Variants in CORIN observed in about 807,000 individuals in gnomAD.
CORIN encodes the protein corin, serine peptidase.
In CORIN, 117 loss-of-function variants were observed where a neutral mutation model predicts 125.3. The ratio of observed to expected loss-of-function variants is 0.93; its 90% CI spans 0.80 to 1.09. CORIN has a LOEUF of 1.09. CORIN is among the 50% of genes least tolerant of loss of function. The pLI, the probability that CORIN is intolerant of heterozygous loss-of-function variation, is 0.00. For synonymous variants in CORIN, 450 were observed against 466.4 expected, an observed-to-expected ratio of 0.96 and a Z score of 0.45; for missense variants, 1,253 against 1,306.7, an observed-to-expected ratio of 0.96 and a Z score of 0.63.
At chr4:47,772,580 T>C (rs1390520082) in intron 3 of CORIN, among the ~76,000 whole-genome samples, 1 of 152,212 alleles carries the variant, frequency 6.6e-6, no homozygotes, top group East Asian at 1.9e-4. Flanking sequence ...CATAATATGG[T>C]GGTTCCACAG....
intron 19 of CORIN, among the ~76,000 whole-genome samples, chr4:47,615,551 A>C (rs535504842): frequency 2.0e-4 from 31 of 152,336 alleles, no homozygotes; most frequent in African/African-American, 7.0e-4. Context: ...GCTTGAATCC[A>C]ATATGACTAA....
chr4:47,816,188 C>A (rs1327983525), intron 1 of CORIN, among the ~76,000 whole-genome samples: 1 of 152,162 alleles, frequency 6.6e-6, no homozygotes, highest in East Asian at 1.9e-4. Flanking sequence ...ACTGAACCTA[C>A]CTGCTGAAAA....
At chr4:47,833,527 A>G (rs1332573390) in intron 1 of CORIN, among the ~76,000 whole-genome samples, 1 of 150,762 alleles carries the variant, frequency 6.6e-6, no homozygotes, top group African/African-American at 2.4e-5. Context: ...TAGGCAAAAA[A>G]AAAAAAAAAA....
chr4:47,632,752 T>TAGAC (rs1553905932), intron 16 of CORIN, among the ~76,000 whole-genome samples: 1 of 110,282 alleles, frequency 9.1e-6, no homozygotes, highest in South Asian at 2.6e-4. Context: ...GATAGATAGA[T>TAGAC]AGATAGATAG....
intron 5 of CORIN, among the ~76,000 whole-genome samples, chr4:47,710,118 G>A (rs532478222): frequency 7.2e-5 from 11 of 152,144 alleles, no homozygotes; most frequent in South Asian, 2.1e-4. Flanking sequence ...TGTGGAGATC[G>A]TACAAGAAAT....
intron 10 of CORIN, among the ~76,000 whole-genome samples, chr4:47,671,615 C>T (rs1448826618): frequency 2.0e-5 from 3 of 152,242 alleles, no homozygotes; most frequent in African/African-American, 4.8e-5. Context: ...GACGGAATCT[C>T]GATCTCTCAC....
intron 4 of CORIN, among the ~76,000 whole-genome samples, chr4:47,747,201 A>G (rs890937525): frequency 3.9e-5 from 6 of 152,130 alleles, no homozygotes. Context: ...AGTACTCCCA[A>G]TTGCAGCTGA....
chr4:47,773,697 C>T (rs1730164053), intron 3 of CORIN, among the ~76,000 whole-genome samples: 1 of 151,996 alleles, frequency 6.6e-6, no homozygotes, highest in African/African-American at 2.4e-5. Flanking sequence ...TTAAAATGAA[C>T]TTCTAGTCTC....
At chr4:47,751,686 A>G (rs1361959884) in intron 4 of CORIN, among the ~76,000 whole-genome samples, 1 of 152,122 alleles carries the variant, frequency 6.6e-6, no homozygotes, top group Non-Finnish European at 1.5e-5. Context: ...TGTTACCTCC[A>G]TGCCTTGTAA....
chr4:47,687,756 C>T (rs993217712), intron 6 of CORIN, among the ~76,000 whole-genome samples: 1 of 152,178 alleles, frequency 6.6e-6, no homozygotes, highest in Non-Finnish European at 1.5e-5. Context: ...GAGGTTATTT[C>T]ATCCAATCCT....
intron 16 of CORIN, among the ~76,000 whole-genome samples, chr4:47,632,753 A>AGAT (rs1553905937): frequency 2.5e-5 from 3 of 118,818 alleles, no homozygotes; most frequent in South Asian, 2.5e-4. Context: ...ATAGATAGAT[A>AGAT]GATAGATAGA....
At chr4:47,715,283 G>A (rs979118220) in intron 5 of CORIN, among the ~76,000 whole-genome samples, 1 of 152,146 alleles carries the variant, frequency 6.6e-6, no homozygotes, top group African/African-American at 2.4e-5. Flanking sequence ...ATCTCTCCAA[G>A]AGATCATCCT....
chr4:47,656,405 C>A (rs1258186242), intron 12 of CORIN, among the ~76,000 whole-genome samples: 1 of 152,150 alleles, frequency 6.6e-6, no homozygotes, highest in Non-Finnish European at 1.5e-5. Flanking sequence ...ATCCACCCAC[C>A]TCAGCCTCCC....
chr4:47,744,292 C>A, intron 5 of CORIN, 110 bp downstream of exon 5: 1 of 1,020,518 alleles, frequency 9.8e-7, no homozygotes, highest in Non-Finnish European at 1.4e-6. Flanking sequence ...TGGATCTTGT[C>A]ACTTGGTTAA....
intron 10 of CORIN, among the ~76,000 whole-genome samples, chr4:47,669,345 T>G (rs1204086094): frequency 6.6e-6 from 1 of 152,200 alleles, no homozygotes; most frequent in Admixed American, 6.5e-5. Flanking sequence ...TTTCTACATC[T>G]AGCTGCGTAT....
chr4:47,765,535 T>C (rs1234704087), intron 3 of CORIN, among the ~76,000 whole-genome samples: 2 of 152,146 alleles, frequency 1.3e-5, no homozygotes, highest in Non-Finnish European at 2.9e-5. Flanking sequence ...TTCCCAGAAG[T>C]AGGATTGCTG....
chr4:47,668,670 T>C (rs1479783258), intron 10 of CORIN, among the ~76,000 whole-genome samples: 1 of 152,236 alleles, frequency 6.6e-6, no homozygotes, highest in Non-Finnish European at 1.5e-5. Flanking sequence ...TTTTTATTGA[T>C]GTATTTCACT....
At chr4:47,810,784 C>A (rs901925766) in intron 1 of CORIN, among the ~76,000 whole-genome samples, 1 of 152,098 alleles carries the variant, frequency 6.6e-6, no homozygotes, top group Non-Finnish European at 1.5e-5. Flanking sequence ...ATAGGTGACT[C>A]GCATCTTTAA....
chr4:47,615,972 T>G lies in CORIN; in HGVS notation c.2540+7599A>C, dbSNP rs1331029738. 3.3e-5 allele frequency among the ~76,000 whole-genome samples: 5 copies of G among 152,314 alleles called. 1 individual carries two copies. The highest frequency in any genetic ancestry group is 1.2e-4 in the African/African-American group (5 of 41,576). ...GAAGAATTAAGGATGACTCCTAGGTTTGGTATATTAGCGAACCGATGGATG... is the reference window on the plus strand; with the variant it reads ...GAAGAATTAAGGATGACTCCTAGGTGTGGTATATTAGCGAACCGATGGATG... On this transcript the variant is annotated intron_variant, in intron 19 of 21. Transcript: ENST00000273857.
Sources: allele counts gnomAD v4.1 joint callset (sites outside exome capture counted in the v4.1 genomes callset), GRCh38; gene constraint gnomAD v4.1.1; transcripts MANE v1.5; gene names NCBI Gene and HGNC (gene_info 2026-07-23, HGNC 2026-07-21).